POLA1: variants seen among roughly 807,000 people sequenced by gnomAD.
POLA1 encodes the protein DNA polymerase alpha 1, catalytic subunit, also known as DNA polymerase alpha catalytic subunit.
POLA1 carries 15 observed loss-of-function variants against 124.0 expected under a neutral mutation model. That is an observed-to-expected ratio of 0.12 (90% confidence interval 0.08 to 0.19). The LOEUF (loss-of-function observed/expected upper bound fraction) is 0.19. Among genes scored for constraint, POLA1 ranks in the 10% least tolerant of loss-of-function variants. The probability of loss-of-function intolerance (pLI) is 1.00; values close to 1 mark genes in which losing one functional copy is unlikely to be tolerated. For missense variants in POLA1, 886 were observed against 1,103.4 expected (o/e 0.80, Z 2.79); for synonymous variants, 408 against 389.4 (o/e 1.05, Z -0.56).
chrX:24,717,006 T>G (rs1386585001), intron 8 of POLA1, 35 bp downstream of exon 8: 19 of 968,381 alleles, frequency 2.0e-5, no homozygotes, highest in Non-Finnish European at 2.6e-5. Context: ...GCAAGAGTGT[T>G]GAGTGGTTTC....
At chrX:24,741,817 T>G (rs1032649942) in intron 21 of POLA1, among the ~76,000 whole-genome samples, 185 bp from the exon 22 acceptor site, 1 of 110,309 alleles carries the variant, frequency 9.1e-6, no homozygotes, top group African/African-American at 3.3e-5. Context: ...CTTTGTCTCC[T>G]TTAGCTATAA....
At chrX:24,706,686 T>C (rs1293825466) in intron 4 of POLA1, among the ~76,000 whole-genome samples, 1 of 112,047 alleles carries the variant, frequency 8.9e-6, no homozygotes, top group Admixed American at 9.5e-5. Flanking sequence ...CTAACAACCT[T>C]TCTAAGTAAA....
At chrX:24,866,965 TA>T (rs1030409865) in intron 34 of POLA1, among the ~76,000 whole-genome samples, 13 of 111,671 alleles carry the variant, frequency 1.2e-4, no homozygotes, top group African/African-American at 3.9e-4. Flanking sequence ...TCATTTGAGG[TA>T]AAAAAAATTA....
chrX:24,716,056 A>C (rs918446374), intron 6 of POLA1, among the ~76,000 whole-genome samples: 6 of 111,731 alleles, frequency 5.4e-5, no homozygotes, highest in African/African-American at 1.9e-4. Context: ...CTTAACAACA[A>C]CACCATGTAG....
At chrX:24,857,654 A>G (rs1347013628) in intron 34 of POLA1, among the ~76,000 whole-genome samples, 3 of 111,803 alleles carry the variant, frequency 2.7e-5, no homozygotes, top group Non-Finnish European at 5.6e-5. Context: ...TTGGTTCTCA[A>G]AAGAGTACTG....
intron 21 of POLA1, 31 bp downstream of exon 21, chrX:24,741,535 A>G: frequency 8.5e-7 from 1 of 1,170,417 alleles, no homozygotes. Flanking sequence ...GGGAAAAAGC[A>G]TTTCCTGTTG....
chrX:24,956,270 G>C (rs1044847390), intron 36 of POLA1, among the ~76,000 whole-genome samples: 4 of 109,612 alleles, frequency 3.6e-5, no homozygotes, highest in Admixed American at 2.9e-4. Flanking sequence ...TGTAGCCTGG[G>C]TGACAAAGCA....
intron 34 of POLA1, among the ~76,000 whole-genome samples, chrX:24,863,686 T>C (rs1348513715): frequency 1.8e-5 from 2 of 111,572 alleles, no homozygotes; most frequent in East Asian, 5.6e-4. Context: ...AATCTATCTT[T>C]GTGCCACTGT....
chrX:24,968,073 G>T (rs1436419284), intron 36 of POLA1, among the ~76,000 whole-genome samples: 1 of 111,254 alleles, frequency 9.0e-6, no homozygotes, highest in Non-Finnish European at 1.9e-5. Context: ...ATCTCATCTT[G>T]TACAAAAATC....
chrX:24,858,070 A>G (rs2046670878), intron 34 of POLA1, among the ~76,000 whole-genome samples: 1 of 112,233 alleles, frequency 8.9e-6, no homozygotes, highest in Non-Finnish European at 1.9e-5. Context: ...TTAAATTTCT[A>G]AAACACAAAA....
chrX:24,776,064 G>T (rs979177474), intron 26 of POLA1, among the ~76,000 whole-genome samples: 1 of 111,857 alleles, frequency 8.9e-6, no homozygotes, highest in Admixed American at 9.5e-5. Context: ...GTAAGAAAAT[G>T]ACTCTCTCAG....
intron 36 of POLA1, among the ~76,000 whole-genome samples, chrX:24,977,002 A>G (rs2147282555): frequency 8.9e-6 from 1 of 112,424 alleles, no homozygotes; most frequent in East Asian, 2.8e-4. Context: ...TGCTTTTCTA[A>G]ACCTGCTCTT....
chrX:24,819,888 T>C (rs1044485609), intron 30 of POLA1, among the ~76,000 whole-genome samples: 16 of 111,792 alleles, frequency 1.4e-4, no homozygotes, highest in Admixed American at 1.4e-3. Flanking sequence ...CTCCCACTTA[T>C]GAGTGAGAAC....
At chrX:24,827,900 TG>T (rs1302693237) in intron 32 of POLA1, among the ~76,000 whole-genome samples, 1 of 112,121 alleles carries the variant, frequency 8.9e-6, no homozygotes, top group Non-Finnish European at 1.9e-5. Context: ...CAACTACGTT[TG>T]TAGAATGAGA....
intron 36 of POLA1, among the ~76,000 whole-genome samples, chrX:24,954,915 C>G (rs2048089446): frequency 9.0e-6 from 1 of 111,564 alleles, no homozygotes; most frequent in South Asian, 3.8e-4. Flanking sequence ...TTGTTCACAG[C>G]TACTTGAGCC....
chrX:24,804,621 A>G (rs979575110), intron 26 of POLA1, among the ~76,000 whole-genome samples: 1 of 112,015 alleles, frequency 8.9e-6, no homozygotes, highest in African/African-American at 3.2e-5. Context: ...TATCTGCATC[A>G]TACACCAAAG....
intron 14 of POLA1, among the ~76,000 whole-genome samples, chrX:24,727,563 T>A (rs1382666627): frequency 1.8e-5 from 2 of 112,007 alleles, no homozygotes; most frequent in Non-Finnish European, 3.8e-5. Flanking sequence ...TGATGAAAGC[T>A]ATAGACCTCT....
intron 22 of POLA1, among the ~76,000 whole-genome samples, chrX:24,742,716 T>G (rs1313396886): frequency 3.6e-5 from 4 of 112,191 alleles, no homozygotes; most frequent in African/African-American, 1.3e-4. Context: ...TAGAGGACTT[T>G]AACTTCTGCT....
chrX:24,792,914 C>T (rs1298597648), intron 26 of POLA1, among the ~76,000 whole-genome samples: 2 of 111,185 alleles, frequency 1.8e-5, no homozygotes, highest in Non-Finnish European at 3.8e-5. Flanking sequence ...CAACTTTGAG[C>T]GTTATTAATA....
Sources: allele counts gnomAD v4.1 joint callset (sites outside exome capture counted in the v4.1 genomes callset), GRCh38; gene constraint gnomAD v4.1.1; transcripts MANE v1.5; gene names NCBI Gene and HGNC (gene_info 2026-07-23, HGNC 2026-07-21).